The following DAB2IP variants were observed in gnomAD, a reference collection of about 807,000 sequenced individuals.
DAB2IP encodes disabled homolog 2-interacting protein.
Under a neutral mutation model 107.2 loss-of-function variants are expected in DAB2IP, and 28 were observed. The ratio of observed to expected loss-of-function variants is 0.26; its 90% CI spans 0.19 to 0.36. The LOEUF is 0.36. Among genes scored for constraint, DAB2IP ranks in the 10% least tolerant of loss-of-function variants. The pLI, the probability that DAB2IP is intolerant of heterozygous loss-of-function variation, is 1.00. For missense variants in DAB2IP, 1,400 were observed against 1,644.7 expected (o/e 0.85, Z 2.57); for synonymous variants, 755 against 706.4 (o/e 1.07, Z -1.09).
intron 1 of DAB2IP, among the ~76,000 whole-genome samples, chr9:121,640,992 G>T (rs568681083): frequency 6.6e-6 from 1 of 152,308 alleles, no homozygotes; most frequent in South Asian, 2.1e-4. Context: ...TAAAGGGTGG[G>T]TCCTGGGCCA....
intron 1 of DAB2IP, among the ~76,000 whole-genome samples, chr9:121,673,884 T>C (rs2119123561): frequency 6.6e-6 from 1 of 152,272 alleles, no homozygotes; most frequent in East Asian, 1.9e-4. Context: ...GGAGGTCCCA[T>C]CAGCTCCATG....
intron 1 of DAB2IP, among the ~76,000 whole-genome samples, chr9:121,661,642 G>T (rs2119091845): frequency 6.6e-6 from 1 of 152,188 alleles, no homozygotes; most frequent in East Asian, 1.9e-4. Context: ...CAGACCACCA[G>T]TTTGGGCCAA....
chr9:121,649,664 G>A (rs1232787804), upstream of DAB2IP, among the ~76,000 whole-genome samples: 1 of 152,230 alleles, frequency 6.6e-6, no homozygotes, highest in African/African-American at 2.4e-5. Context: ...ACGGAGGTTA[G>A]TCATGCCTGG....
intron 1 of DAB2IP, among the ~76,000 whole-genome samples, chr9:121,587,366 G>A (rs1194940427): frequency 6.6e-6 from 1 of 152,184 alleles, no homozygotes; most frequent in African/African-American, 2.4e-5. Context: ...CCAGCACTCT[G>A]GGAGGCTGAG....
At chr9:121,717,091 G>C (rs910223376) in intron 3 of DAB2IP, among the ~76,000 whole-genome samples, 1 of 152,202 alleles carries the variant, frequency 6.6e-6, no homozygotes, top group Non-Finnish European at 1.5e-5. Context: ...GGGCAGCCCC[G>C]GGGGAATCTT....
intron 1 of DAB2IP, among the ~76,000 whole-genome samples, chr9:121,612,401 G>T (rs1404952177): frequency 6.6e-6 from 1 of 152,122 alleles, no homozygotes; most frequent in East Asian, 1.9e-4. Context: ...GGCCAAAAAA[G>T]GTGTCTGAAC....
At chr9:121,713,059 C>T (rs1472617430) in intron 3 of DAB2IP, among the ~76,000 whole-genome samples, 2 of 152,208 alleles carry the variant, frequency 1.3e-5, no homozygotes, top group African/African-American at 4.8e-5. Context: ...CTTCCCCAGG[C>T]AGCATTTATG....
rs531796126 is a variant in DAB2IP, at chr9:121,760,823, C to G, written c.1170+384C>G. 6.6e-6 allele frequency among the ~76,000 whole-genome samples: 1 copy of G among 152,218 alleles called. No homozygotes were observed. The highest frequency in any genetic ancestry group is 6.5e-5 in the Admixed American group (1 of 15,284). On this transcript the variant is annotated intron_variant, in intron 6 of 15. Coordinates refer to ENST00000408936, the Ensembl canonical transcript of DAB2IP. The surrounding 1 kb of genome is among the most constrained non-coding windows in gnomAD (Gnocchi z 5.9). The stretch of plus-strand genomic sequence containing the variant: ...CACCAGCCGCAGTGAGCCAAACACA[C>G]GTCCCCTGTGGGGTATGGAGTTCGG...
At chr9:121,766,258 A>G (rs1472830038) in intron 8 of DAB2IP, among the ~76,000 whole-genome samples, 2 of 152,098 alleles carry the variant, frequency 1.3e-5, no homozygotes, top group Non-Finnish European at 2.9e-5. Context: ...CTGAGAACCC[A>G]CTGCCCGATG....
intron 3 of DAB2IP, among the ~76,000 whole-genome samples, chr9:121,704,428 G>A (rs937633539): frequency 1.3e-5 from 2 of 152,174 alleles, no homozygotes; most frequent in African/African-American, 2.4e-5. Context: ...TGATCGAATA[G>A]TGCTTTCCTG....
At chr9:121,721,529 T>C (rs1341218280) in intron 3 of DAB2IP, among the ~76,000 whole-genome samples, 1 of 152,138 alleles carries the variant, frequency 6.6e-6, no homozygotes, top group Admixed American at 6.5e-5. Flanking sequence ...ATCTGGAGAG[T>C]ACATGTTCTG....
At chr9:121,715,349 TTC>T (rs769205438) in intron 3 of DAB2IP, among the ~76,000 whole-genome samples, 6 of 149,904 alleles carry the variant, frequency 4.0e-5, no homozygotes, top group African/African-American at 5.0e-5. Flanking sequence ...TTTTCTTTCT[TTC>T]TTTTTTTTTT....
At chr9:121,670,792 G>A (rs189490929) in intron 1 of DAB2IP, among the ~76,000 whole-genome samples, 23 of 152,266 alleles carry the variant, frequency 1.5e-4, no homozygotes, top group African/African-American at 5.1e-4. Flanking sequence ...CGAGGCTGGC[G>A]GATCACTTGA....
At chr9:121,612,770 G>T (rs1053389214) in intron 1 of DAB2IP, among the ~76,000 whole-genome samples, 1 of 152,180 alleles carries the variant, frequency 6.6e-6, no homozygotes, top group Admixed American at 6.5e-5. Context: ...GTTGGTGGGG[G>T]GAGGTAAGAG....
At chr9:121,607,176 G>T (rs548778576) in intron 1 of DAB2IP, among the ~76,000 whole-genome samples, 2 of 152,208 alleles carry the variant, frequency 1.3e-5, no homozygotes, top group African/African-American at 2.4e-5. Context: ...CCTTGTAGGT[G>T]ACAGTGGCTG....
At chr9:121,716,979 G>C (rs1330258254) in intron 3 of DAB2IP, among the ~76,000 whole-genome samples, 1 of 152,208 alleles carries the variant, frequency 6.6e-6, no homozygotes, top group African/African-American at 2.4e-5. Context: ...CTACCAGGAA[G>C]ACTGTTTCAG....
rs933270198 is a variant in DAB2IP, at chr9:121,776,101, A to G, written c.3121-97A>G. On this transcript the variant is annotated intron_variant, in intron 13 of 15. Coordinates refer to ENST00000408936, the Ensembl canonical transcript of DAB2IP. The surrounding 1 kb of genome is among the most constrained non-coding windows in gnomAD (Gnocchi z 5.4). ...GGGTCACAGCCACTGGGGCCTTTCAAGTGGGGCTCCCTCCTACCCTTCCTC... is the reference window on the plus strand; with the variant it reads ...GGGTCACAGCCACTGGGGCCTTTCAGGTGGGGCTCCCTCCTACCCTTCCTC... The G allele has an allele frequency of 4.2e-6, 6 of 1,421,272 alleles. No individual in the cohort carries two copies. The highest frequency in any genetic ancestry group is 2.7e-5 in the South Asian group (2 of 72,984). 88.0% of individuals were successfully genotyped at this position (1,421,272 alleles called of 1,614,324 possible).
At chr9:121,765,219 G>C (rs191608239) in intron 8 of DAB2IP, among the ~76,000 whole-genome samples, 3 of 152,308 alleles carry the variant, frequency 2.0e-5, no homozygotes, top group African/African-American at 2.4e-5. Flanking sequence ...CCTCTTCCAG[G>C]GGGGCTGGGC....
chr9:121,677,869 C>G (rs1290304219), intron 1 of DAB2IP, among the ~76,000 whole-genome samples: 1 of 152,162 alleles, frequency 6.6e-6, no homozygotes, highest in African/African-American at 2.4e-5. Context: ...ACCATGTTGA[C>G]CAGGCTGGTT....
Sources: gnomAD v4.1 joint callset for allele counts (sites outside exome capture counted in the v4.1 genomes callset) on GRCh38, gnomAD v4.1.1 for gene constraint, Gnocchi (gnomAD v3.1) non-coding constraint, MANE v1.5 for transcripts, NCBI Gene and HGNC (gene_info 2026-07-23, HGNC 2026-07-21) for gene names.